Variants in NT5C2 observed in about 807,000 individuals in gnomAD.
NT5C2 encodes the protein cytosolic purine 5'-nucleotidase.
Under a neutral mutation model 76.1 loss-of-function variants are expected in NT5C2, and 58 were observed. That is an observed-to-expected ratio of 0.76 (90% CI 0.62 to 0.95). The LOEUF (loss-of-function observed/expected upper bound fraction) is 0.95. Ranked by LOEUF, NT5C2 falls within the 40% of genes least tolerant of loss-of-function variation. The pLI is 0.00. For missense variants in NT5C2, 478 were observed against 690.3 expected, an observed-to-expected ratio of 0.69 and a Z score of 3.45; for synonymous variants, 229 against 237.4, an observed-to-expected ratio of 0.96 and a Z score of 0.32.
intron 3 of NT5C2, among the ~76,000 whole-genome samples, chr10:103,158,710 T>C (rs575833195): frequency 2.0e-5 from 3 of 151,524 alleles, no homozygotes; most frequent in Non-Finnish European, 4.4e-5. Flanking sequence ...CCAGCTACTT[T>C]GGGAAGCAGA....
At chr10:103,138,467 T>A (rs1022997194) in intron 4 of NT5C2, among the ~76,000 whole-genome samples, 2 of 152,004 alleles carry the variant, frequency 1.3e-5, no homozygotes, top group Non-Finnish European at 2.9e-5. Flanking sequence ...TGTGTGATGT[T>A]CCCCCTCCCT....
At chr10:103,123,477 A>G (rs2076086277) in intron 4 of NT5C2, among the ~76,000 whole-genome samples, 1 of 152,158 alleles carries the variant, frequency 6.6e-6, no homozygotes, top group South Asian at 2.1e-4. Flanking sequence ...AGCCTCCCAA[A>G]GCACTGGGAT....
chr10:103,119,207 T>C (rs1403436935), intron 4 of NT5C2, among the ~76,000 whole-genome samples: 1 of 152,084 alleles, frequency 6.6e-6, no homozygotes, highest in African/African-American at 2.4e-5. Context: ...CCATCTCTAC[T>C]AAAAATACAA....
intron 2 of NT5C2, among the ~76,000 whole-genome samples, chr10:103,179,341 CT>C (rs2090661512): frequency 6.6e-6 from 1 of 152,162 alleles, no homozygotes; most frequent in African/African-American, 2.4e-5. Context: ...CTCTTGGGGT[CT>C]GGATCAGGAC....
At chr10:103,148,972 TCTA>T (rs1456151993) in intron 3 of NT5C2, among the ~76,000 whole-genome samples, 2 of 152,082 alleles carry the variant, frequency 1.3e-5, no homozygotes, top group Admixed American at 1.3e-4. Flanking sequence ...GAGAAATATA[TCTA>T]CAACACAGAA....
chr10:103,191,877 T>G (rs539525372), intron 1 of NT5C2, among the ~76,000 whole-genome samples: 1 of 152,206 alleles, frequency 6.6e-6, no homozygotes, highest in Non-Finnish European at 1.5e-5. Flanking sequence ...AGTCTGTGTA[T>G]GCTAGTATCA....
intron 6 of NT5C2, among the ~76,000 whole-genome samples, chr10:103,104,106 A>G (rs1354650927): frequency 1.3e-5 from 2 of 152,206 alleles, no homozygotes; most frequent in Non-Finnish European, 2.9e-5. Flanking sequence ...TTGTCCTCCC[A>G]AAGTGCTGAG....
chr10:103,147,828 C>A (rs936474628), intron 3 of NT5C2, among the ~76,000 whole-genome samples: 1 of 151,974 alleles, frequency 6.6e-6, no homozygotes, highest in African/African-American at 2.4e-5. Flanking sequence ...GAGGAGGGAA[C>A]GGGCAGTTTC....
At chr10:103,177,235 G>A (rs1314540075) in intron 2 of NT5C2, among the ~76,000 whole-genome samples, 1 of 152,034 alleles carries the variant, frequency 6.6e-6, no homozygotes, top group African/African-American at 2.4e-5. Context: ...CAAAAAGAAG[G>A]AATAAACTAA....
chr10:103,168,368 C>T (rs1245188858), intron 3 of NT5C2, among the ~76,000 whole-genome samples: 1 of 152,126 alleles, frequency 6.6e-6, no homozygotes. Context: ...GCTTTACAAA[C>T]GTAAAAACTA....
In NT5C2 at chr10:103,089,781, C is replaced by A. The variant is rs1355682373; in HGVS notation, c.1577G>T (p.Arg526Leu). 1 of 1,613,928 alleles carries A rather than the reference C, an allele frequency of 6.2e-7. No individual in the cohort carries two copies. Among genetic ancestry groups the A allele is most frequent in the Non-Finnish European group, 8.5e-7 (1 of 1,179,976 alleles). The change falls in exon 19 of 19, where the codon CGG becomes CTG. Residue 526 changes from arginine (R) to leucine (L), a missense_variant. By Grantham distance (102) the Arg-to-Leu change is moderately radical. Transcript: ENST00000404739. ...DTDYKRHQLTRSISEIKPPNL... is the reference protein window; with the variant it reads ...DTDYKRHQLTLSISEIKPPNL... ...GGGAGGTTTAATCTCACTAATTGACCGTGTCAGCTGGTGCCGCTTGTAGTC... is the reference window on the plus strand; with the variant it reads ...GGGAGGTTTAATCTCACTAATTGACAGTGTCAGCTGGTGCCGCTTGTAGTC...
intron 4 of NT5C2, among the ~76,000 whole-genome samples, chr10:103,136,286 A>G (rs762327540): frequency 1.3e-5 from 2 of 152,240 alleles, no homozygotes; most frequent in Non-Finnish European, 2.9e-5. Flanking sequence ...CAGGTATATC[A>G]TAACTAAATG....
At chr10:103,177,934 C>T (rs1404864513) in intron 2 of NT5C2, among the ~76,000 whole-genome samples, 1 of 152,208 alleles carries the variant, frequency 6.6e-6, no homozygotes, top group Non-Finnish European at 1.5e-5. Flanking sequence ...TTTCTTCCCA[C>T]TATGCCCTCT....
intron 4 of NT5C2, among the ~76,000 whole-genome samples, chr10:103,109,459 T>G (rs761701376): frequency 4.1e-4 from 63 of 152,148 alleles, no homozygotes; most frequent in Non-Finnish European, 7.5e-4. Flanking sequence ...TAGTACAATC[T>G]CCATAAAACA....
At chr10:103,114,635 A>C (rs539176702) in intron 4 of NT5C2, among the ~76,000 whole-genome samples, 3 of 152,308 alleles carry the variant, frequency 2.0e-5, no homozygotes, top group African/African-American at 7.2e-5. Context: ...AATAAATAGA[A>C]TTTAGGTACT....
At chr10:103,176,583 G>C (rs2090000025) in intron 2 of NT5C2, among the ~76,000 whole-genome samples, 1 of 152,162 alleles carries the variant, frequency 6.6e-6, no homozygotes, top group African/African-American at 2.4e-5. Context: ...GTTTGTTTTT[G>C]AAACAGGGTC....
chr10:103,099,885 A>G (rs753976675), intron 9 of NT5C2, 41 bp downstream of exon 9: 2 of 1,245,156 alleles, frequency 1.6e-6, no homozygotes, highest in Non-Finnish European at 1.2e-6. Context: ...CATAAAATAC[A>G]TGCCAGAAAG....
At chr10:103,158,130 C>A (rs2083864780) in intron 3 of NT5C2, among the ~76,000 whole-genome samples, 1 of 149,814 alleles carries the variant, frequency 6.7e-6, no homozygotes, top group African/African-American at 2.4e-5. Flanking sequence ...AATTAAACAA[C>A]ACACTCCTAA....
intron 14 of NT5C2, 79 bp from the exon 15 acceptor site, chr10:103,093,388 C>T: frequency 8.3e-7 from 1 of 1,211,780 alleles, no homozygotes. Flanking sequence ...CCATTAAATA[C>T]TATGATTCAT....
Sources: allele counts gnomAD v4.1 joint callset (sites outside exome capture counted in the v4.1 genomes callset), GRCh38; gene constraint gnomAD v4.1.1; transcripts MANE v1.5; gene names NCBI Gene and HGNC (gene_info 2026-07-23, HGNC 2026-07-21).